ADAMTS17: variants seen among roughly 807,000 people sequenced by gnomAD.
The protein encoded by ADAMTS17 is ADAM metallopeptidase with thrombospondin type 1 motif 17.
A neutral mutation model predicts 141.5 loss-of-function variants in ADAMTS17; 113 were observed. That is an observed-to-expected ratio of 0.80 (90% CI 0.69 to 0.93). The LOEUF is 0.93. Ranked by LOEUF, ADAMTS17 falls within the 40% of genes least tolerant of loss-of-function variation. ADAMTS17 has a pLI of 0.00. For synonymous variants in ADAMTS17, 768 were observed against 630.6 expected (o/e 1.22, Z -3.27); for missense variants, 1,659 against 1,517.9 (o/e 1.09, Z -1.54).
intron 7 of ADAMTS17, among the ~76,000 whole-genome samples, chr15:100,221,017 G>C (rs1219509931): frequency 6.6e-6 from 1 of 152,078 alleles, no homozygotes; most frequent in African/African-American, 2.4e-5. Flanking sequence ...CAATTCTCTT[G>C]GGTACCTACC....
intron 8 of ADAMTS17, among the ~76,000 whole-genome samples, chr15:100,191,890 G>C (rs981664249): frequency 2.8e-5 from 4 of 141,868 alleles, no homozygotes; most frequent in Non-Finnish European, 4.6e-5. Flanking sequence ...TCACAGCCAA[G>C]GCACCAGGAG....
intron 15 of ADAMTS17, among the ~76,000 whole-genome samples, chr15:100,055,041 T>C (rs2032453597): frequency 6.6e-6 from 1 of 152,132 alleles, no homozygotes; most frequent in South Asian, 2.1e-4. Context: ...TATTCTGGCA[T>C]TTTAGGAGAA....
intron 8 of ADAMTS17, among the ~76,000 whole-genome samples, chr15:100,177,640 T>C (rs916998607): frequency 9.9e-5 from 15 of 152,200 alleles, no homozygotes; most frequent in African/African-American, 3.6e-4. Flanking sequence ...TGAAGTGTTC[T>C]ATAAATGTCC....
intron 15 of ADAMTS17, among the ~76,000 whole-genome samples, chr15:100,090,458 A>G (rs1037422201): frequency 2.6e-5 from 4 of 152,134 alleles, no homozygotes; most frequent in African/African-American, 9.7e-5. Context: ...CCCTCATTCC[A>G]CAGCAAGGTC....
intron 18 of ADAMTS17, among the ~76,000 whole-genome samples, chr15:100,019,182 T>G (rs892901): frequency 0.17 from 25,226 of 152,180 alleles, 5,813 homozygotes; most frequent in African/African-American, 0.52. Context: ...GTACATACCC[T>G]AAGAGACTAT....
At position 99,974,028 on chromosome 15, in the gene ADAMTS17, G is replaced by A. The variant is rs1356315687; in HGVS notation, c.*374C>T. 1 of 316,956 alleles carries A rather than the reference G, an allele frequency of 3.2e-6. No individual in the cohort carries two copies. The highest frequency in any genetic ancestry group is 2.3e-5 in the African/African-American group (1 of 42,746). 19.6% of individuals were successfully genotyped at this position (316,956 alleles called of 1,614,324 possible). Reference sequence around the variant, plus strand: ...TTCTAGCATGTCTCGTTTTGGGGATGTTTCCTCCATGATATACCAAGCACT... The same window carrying A: ...TTCTAGCATGTCTCGTTTTGGGGATATTTCCTCCATGATATACCAAGCACT... On this transcript the variant is annotated 3_prime_UTR_variant, in exon 22 of 22. Transcript: ENST00000268070.
chr15:100,209,763 G>A (rs951628993), intron 7 of ADAMTS17, among the ~76,000 whole-genome samples: 7 of 152,214 alleles, frequency 4.6e-5, no homozygotes, highest in African/African-American at 9.6e-5. Flanking sequence ...GTGGCAGAAA[G>A]TGGATGGTAC....
chr15:100,168,272 C>A (rs2040027154), intron 8 of ADAMTS17: 1 of 152,358 alleles, frequency 6.6e-6, no homozygotes, highest in African/African-American at 2.4e-5. Flanking sequence ...TATCAGAAGA[C>A]CACGTGCACG....
At chr15:100,251,937 T>C (rs2043168873) in intron 7 of ADAMTS17, among the ~76,000 whole-genome samples, 1 of 152,222 alleles carries the variant, frequency 6.6e-6, no homozygotes, top group African/African-American at 2.4e-5. Context: ...TGCCGACACC[T>C]GGATCTAGGA....
chr15:100,238,790 G>A (rs1044564538), intron 7 of ADAMTS17, among the ~76,000 whole-genome samples: 3 of 152,090 alleles, frequency 2.0e-5, no homozygotes, highest in Admixed American at 6.6e-5. Context: ...AAATGCTATC[G>A]AAAAGCGAGA....
chr15:100,081,444 G>T (rs1432771414), intron 15 of ADAMTS17, among the ~76,000 whole-genome samples: 1 of 152,128 alleles, frequency 6.6e-6, no homozygotes, highest in Non-Finnish European at 1.5e-5. Context: ...CCTAATACAT[G>T]GCTGCATGAC....
chr15:100,305,407 G>C (rs969065361), intron 3 of ADAMTS17, among the ~76,000 whole-genome samples: 10 of 152,308 alleles, frequency 6.6e-5, no homozygotes, highest in African/African-American at 2.4e-4. Context: ...TTTGTACTCA[G>C]GTCTTCAGAT....
chr15:100,182,317 G>GC (rs749025548), intron 8 of ADAMTS17, among the ~76,000 whole-genome samples: 17 of 152,142 alleles, frequency 1.1e-4, no homozygotes, highest in Admixed American at 5.2e-4. Context: ...ACTCACTATC[G>GC]CAAGAACAGC....
rs192434811 is a variant in ADAMTS17 at position 100,126,730 on chromosome 15, G to T, written c.1721+5277C>A. ...ATTGCAGAGAGATTGGTTTTCTGGG[G>T]CAAGTGCACATCCAGGCAGGAAGGC... On this transcript the variant is annotated intron_variant, in intron 12 of 21. Transcript: ENST00000268070. Among the ~76,000 whole-genome samples, 12 of 152,310 alleles carry T rather than the reference G, an allele frequency of 7.9e-5. No homozygotes were observed. The East Asian group carries it at 2.1e-3, about 27-fold the overall frequency.
intron 15 of ADAMTS17, among the ~76,000 whole-genome samples, chr15:100,078,643 C>G (rs115880264): frequency 6.6e-6 from 1 of 152,260 alleles, no homozygotes; most frequent in African/African-American, 2.4e-5. Context: ...GGTAAATCTT[C>G]ATGACCTTGA....
intron 18 of ADAMTS17, among the ~76,000 whole-genome samples, chr15:100,042,458 T>C (rs2031339309): frequency 6.6e-6 from 1 of 152,192 alleles, no homozygotes; most frequent in African/African-American, 2.4e-5. Context: ...TCTTCACAAT[T>C]TCATGGGTAG....
At chr15:100,306,168 A>G (rs960508592) in intron 3 of ADAMTS17, 1 of 263,660 alleles carries the variant, frequency 3.8e-6, no homozygotes. Flanking sequence ...TCACCTACCT[A>G]CAGTTATAGA....
chr15:100,109,209 G>A, intron 13 of ADAMTS17, 93 bp from the exon 14 acceptor site: 1 of 1,535,544 alleles, frequency 6.5e-7, no homozygotes, highest in Non-Finnish European at 8.8e-7. Flanking sequence ...AAACCCTGAG[G>A]AAGAGAGGTC....
At chr15:100,075,710 G>C (rs767396105) in intron 15 of ADAMTS17, among the ~76,000 whole-genome samples, 20 of 152,202 alleles carry the variant, frequency 1.3e-4, no homozygotes, top group African/African-American at 4.8e-4. Context: ...CTATTTGCTT[G>C]GTTTTCTTTT....
Sources: allele counts gnomAD v4.1 joint callset (sites outside exome capture counted in the v4.1 genomes callset), GRCh38; gene constraint gnomAD v4.1.1; transcripts MANE v1.5; gene names NCBI Gene and HGNC (gene_info 2026-07-23, HGNC 2026-07-21).